Variants in UNC79 observed in about 807,000 individuals in gnomAD.
UNC79 encodes the protein unc-79 subunit of NALCN channel complex.
UNC79 carries 37 observed loss-of-function variants against 283.1 expected under a neutral mutation model. The observed-to-expected ratio is 0.13, with a 90% CI of 0.10 to 0.17. The LOEUF (loss-of-function observed/expected upper bound fraction) is 0.17. Among genes scored for constraint, UNC79 ranks in the 10% least tolerant of loss-of-function variants. UNC79 has a pLI of 1.00. For synonymous variants in UNC79, 1,107 were observed against 1,200.2 expected (o/e 0.92, Z 1.61); for missense variants, 2,272 against 3,211.1 (o/e 0.71, Z 7.07).
intron 1 of UNC79, among the ~76,000 whole-genome samples, chr14:93,404,493 A>AAAAAAAATATATATATATATATATAT: frequency 1.1e-3 from 67 of 61,464 alleles, no homozygotes; most frequent in African/African-American, 3.1e-3. Flanking sequence ...TTCTAAAAAA[A>AAAAAAAATATATATATATATATATAT]ATATATATAT....
intron 7 of UNC79, among the ~76,000 whole-genome samples, chr14:93,512,500 C>T (rs2059873797): frequency 6.6e-6 from 1 of 152,052 alleles, no homozygotes; most frequent in South Asian, 2.1e-4. Flanking sequence ...GTTTTCTCCT[C>T]TCATTCTGGG....
chr14:93,695,211 A>G (rs911531673), intron 47 of UNC79, among the ~76,000 whole-genome samples: 1 of 151,354 alleles, frequency 6.6e-6, no homozygotes, highest in African/African-American at 2.4e-5. Flanking sequence ...TCTATATTCT[A>G]TTATCTTGGC....
intron 7 of UNC79, among the ~76,000 whole-genome samples, chr14:93,511,370 T>G (rs980838582): frequency 6.6e-6 from 1 of 152,230 alleles, no homozygotes; most frequent in African/African-American, 2.4e-5. Context: ...AAATCTCCTT[T>G]ATATCAGTTT....
At chr14:93,662,364 T>A (rs77760233) in intron 39 of UNC79, among the ~76,000 whole-genome samples, 3,789 of 152,236 alleles carry the variant, frequency 0.025, 144 homozygotes, top group African/African-American at 0.082. Flanking sequence ...AATGATACCA[T>A]ATGGAAAAAT....
chr14:93,428,572 C>T (rs768355278), upstream of UNC79, among the ~76,000 whole-genome samples: 8 of 152,128 alleles, frequency 5.3e-5, no homozygotes, highest in Non-Finnish European at 1.2e-4. Context: ...TCAGAAGGCT[C>T]AAGCTGTGAG....
chr14:93,666,275 G>T (rs528431843), intron 40 of UNC79, among the ~76,000 whole-genome samples: 5 of 151,978 alleles, frequency 3.3e-5, no homozygotes, highest in African/African-American at 1.2e-4. Context: ...AAAAAGAGAA[G>T]CATAGAACAA....
intron 1 of UNC79, among the ~76,000 whole-genome samples, chr14:93,443,718 T>G (rs893264535): frequency 3.3e-4 from 51 of 152,304 alleles, no homozygotes; most frequent in African/African-American, 1.2e-3. Context: ...CCACGGCACC[T>G]GGCTTCTGTC....
intron 1 of UNC79, among the ~76,000 whole-genome samples, chr14:93,399,460 C>T (rs1049863733): frequency 2.0e-5 from 3 of 152,144 alleles, no homozygotes; most frequent in African/African-American, 7.2e-5. Flanking sequence ...TGAAGATACA[C>T]AGCATTAATT....
chr14:93,599,353 AGTGTGTGT>A (rs56758207), intron 24 of UNC79, among the ~76,000 whole-genome samples: 2,121 of 148,084 alleles, frequency 0.014, 57 homozygotes, highest in African/African-American at 0.05. Context: ...CACATACTTA[AGTGTGTGT>A]GTGTGTGTGT....
chr14:93,590,181 A>T (rs1046961742), intron 22 of UNC79, among the ~76,000 whole-genome samples: 6 of 152,116 alleles, frequency 3.9e-5, no homozygotes, highest in Admixed American at 6.5e-5. Flanking sequence ...ACTCATCTTA[A>T]CTGATGAAAT....
intron 26 of UNC79, among the ~76,000 whole-genome samples, chr14:93,612,403 C>T (rs2066378646): frequency 6.6e-6 from 1 of 152,114 alleles, no homozygotes; most frequent in African/African-American, 2.4e-5. Flanking sequence ...TGTAGTTATT[C>T]TTACATGCTT....
chr14:93,451,950 C>G (rs1019690360), intron 1 of UNC79, among the ~76,000 whole-genome samples: 2 of 152,150 alleles, frequency 1.3e-5, no homozygotes, highest in Non-Finnish European at 2.9e-5. Context: ...TTCTTCTTGT[C>G]TTTGAAAAAT....
At chr14:93,360,680 A>G (rs1208445837) in intron 1 of UNC79, among the ~76,000 whole-genome samples, 1 of 152,206 alleles carries the variant, frequency 6.6e-6, no homozygotes, top group African/African-American at 2.4e-5. Context: ...TTGCTTCTAC[A>G]AGATATCACA....
At chr14:93,367,142 T>G (rs919343625) in intron 1 of UNC79, among the ~76,000 whole-genome samples, 1 of 152,126 alleles carries the variant, frequency 6.6e-6, no homozygotes. Flanking sequence ...GATTAGAGGC[T>G]TCATTCCTGC....
At chr14:93,530,663 A>G (rs998993656) in intron 10 of UNC79, among the ~76,000 whole-genome samples, 2 of 151,944 alleles carry the variant, frequency 1.3e-5, no homozygotes, top group African/African-American at 4.8e-5. Flanking sequence ...TAATCCCAGC[A>G]CTTTGGGAGG....
chr14:93,695,997 C>T lies in UNC79; in HGVS notation c.7548+1585C>T, dbSNP rs149000579. ...TCATCTCCCTGTCCCCAGATGACTA[C>T]TGACCTGCTTTCTGTCACTATAGAT... On this transcript the variant is annotated intron_variant, in intron 47 of 48. Transcript: ENST00000555664. Among the ~76,000 whole-genome samples the T allele has an allele frequency of 4.9e-3, 744 of 151,524 alleles. 7 individuals carry two copies. The highest frequency in any genetic ancestry group is 0.016 in the African/African-American group (675 of 41,288).
chr14:93,530,229 A>G (rs568605610), intron 10 of UNC79, among the ~76,000 whole-genome samples: 2 of 151,994 alleles, frequency 1.3e-5, no homozygotes, highest in Non-Finnish European at 2.9e-5. Context: ...ATGGAGCAAT[A>G]ATATCAGCCT....
intron 19 of UNC79, among the ~76,000 whole-genome samples, chr14:93,581,305 T>C (rs918148760): frequency 3.3e-5 from 5 of 151,350 alleles, no homozygotes; most frequent in Non-Finnish European, 7.4e-5. Flanking sequence ...GCCTCCTCGG[T>C]AACTGGACAC....
At chr14:93,393,976 G>A (rs1434189781) in intron 1 of UNC79, among the ~76,000 whole-genome samples, 2 of 150,832 alleles carry the variant, frequency 1.3e-5, no homozygotes, top group African/African-American at 4.9e-5. Flanking sequence ...TTCCAATTTT[G>A]TCAGGTTTTT....
Sources: allele counts gnomAD v4.1 joint callset (sites outside exome capture counted in the v4.1 genomes callset), GRCh38; gene constraint gnomAD v4.1.1; transcripts MANE v1.5; gene names NCBI Gene and HGNC (gene_info 2026-07-23, HGNC 2026-07-21).